The following CCBE1 variants were observed in gnomAD, a reference collection of about 807,000 sequenced individuals.
The protein encoded by CCBE1 is collagen and calcium-binding EGF domain-containing protein 1.
CCBE1 carries 37 observed loss-of-function variants against 50.0 expected under a neutral mutation model. That is an observed-to-expected ratio of 0.74 (90% CI 0.57 to 0.97). CCBE1 has a LOEUF of 0.97. CCBE1 is among the 50% of genes least tolerant of loss of function. The pLI is 0.00. For missense variants in CCBE1, 538 were observed against 523.8 expected (o/e 1.03, Z -0.26); for synonymous variants, 234 against 203.7 (o/e 1.15, Z -1.27).
chr18:59,546,834 A>G (rs1050817367), intron 2 of CCBE1, among the ~76,000 whole-genome samples: 4 of 152,080 alleles, frequency 2.6e-5, no homozygotes, highest in Non-Finnish European at 5.9e-5. Flanking sequence ...ATCTAAATCA[A>G]CAGAACTTTG....
At chr18:59,657,749 G>A (rs1470317901) in intron 2 of CCBE1, among the ~76,000 whole-genome samples, 2 of 152,180 alleles carry the variant, frequency 1.3e-5, no homozygotes, top group Non-Finnish European at 2.9e-5. Flanking sequence ...AATTAGCCGG[G>A]CGTGGTGGCA....
intron 5 of CCBE1, among the ~76,000 whole-genome samples, chr18:59,461,715 C>T (rs1022143851): frequency 1.4e-5 from 2 of 146,498 alleles, no homozygotes; most frequent in Admixed American, 1.4e-4. Flanking sequence ...AGAGGATTCC[C>T]AGCCAGGTGT....
chr18:59,629,135 T>C (rs1303982883), intron 2 of CCBE1, among the ~76,000 whole-genome samples: 1 of 152,188 alleles, frequency 6.6e-6, no homozygotes, highest in Admixed American at 6.5e-5. Context: ...AAGAGGTGCC[T>C]GCAATGGCTC....
At chr18:59,523,840 T>C (rs1914706875) in intron 2 of CCBE1, among the ~76,000 whole-genome samples, 1 of 152,186 alleles carries the variant, frequency 6.6e-6, no homozygotes, top group Non-Finnish European at 1.5e-5. Flanking sequence ...CAATGTCACA[T>C]GTTTGTGCAG....
chr18:59,501,868 A>G (rs1286423037), intron 2 of CCBE1, among the ~76,000 whole-genome samples: 1 of 152,174 alleles, frequency 6.6e-6, no homozygotes, highest in Non-Finnish European at 1.5e-5. Flanking sequence ...GTGCAGTGGT[A>G]CAATCGTAGC....
intron 2 of CCBE1, among the ~76,000 whole-genome samples, chr18:59,603,508 C>A (rs539558051): frequency 1.1e-4 from 16 of 152,268 alleles, no homozygotes; most frequent in African/African-American, 3.9e-4. Context: ...AGGGAAGATA[C>A]CTCCCTGCTT....
intron 2 of CCBE1, among the ~76,000 whole-genome samples, chr18:59,484,701 G>A (rs1912730775): frequency 6.6e-6 from 1 of 152,142 alleles, no homozygotes; most frequent in Non-Finnish European, 1.5e-5. Context: ...TTTCCCCTTT[G>A]CGTTTTTTAA....
chr18:59,668,697 G>T (rs187303303), intron 2 of CCBE1, among the ~76,000 whole-genome samples: 1 of 151,974 alleles, frequency 6.6e-6, no homozygotes, highest in African/African-American at 2.4e-5. Context: ...ATTTCCCTAG[G>T]ATAAATTTCT....
At chr18:59,543,246 G>A (rs1052509742) in intron 2 of CCBE1, among the ~76,000 whole-genome samples, 3 of 152,118 alleles carry the variant, frequency 2.0e-5, no homozygotes, top group Non-Finnish European at 2.9e-5. Context: ...GGTGATCCCC[G>A]CACCATACCT....
In CCBE1 at chr18:59,539,194, C is replaced by CAAA. The variant is rs34047100; in HGVS notation, c.213-58957_213-58956insTTT. Among the ~76,000 whole-genome samples, 1,284 of 137,588 alleles carry CAAA rather than the reference C, an allele frequency of 9.3e-3. 16 individuals carry two copies. The highest frequency in any genetic ancestry group is 0.033 in the African/African-American group (1,218 of 37,446). The allele number at this position is 137,588 out of a possible 152,430, so 90.3% of individuals were successfully genotyped here. A position where few individuals can be genotyped will look rare whatever the true frequency, so the allele number is the denominator to read the frequency against. Reference sequence around the variant, plus strand: ...CTGCTATATTTAAAAAACACACACACACACACAAAAAACAAAAAAAAACAG... The same window carrying CAAA: ...CTGCTATATTTAAAAAACACACACACAAAACACACAAAAAACAAAAAAAAACAG... On this transcript the variant is annotated intron_variant, in intron 2 of 10. Transcript: ENST00000439986.
intron 10 of CCBE1, 54 bp from the exon 11 acceptor site, chr18:59,436,195 G>C: frequency 6.6e-7 from 1 of 1,506,922 alleles, no homozygotes; most frequent in Non-Finnish European, 9.2e-7. Flanking sequence ...AATGGCCTCC[G>C]GGGCTCCATG....
chr18:59,647,604 C>A (rs142203256), intron 2 of CCBE1, among the ~76,000 whole-genome samples: 3 of 151,988 alleles, frequency 2.0e-5, no homozygotes, highest in East Asian at 3.9e-4. Context: ...CTGTCTAGTT[C>A]GTATAATACA....
rs138046245 is a variant in CCBE1, at chr18:59,632,842, C to T, written c.212+63787G>A. 6.7e-3 allele frequency among the ~76,000 whole-genome samples: 1,022 copies of T among 152,178 alleles called. 6 individuals are homozygous for T. The highest frequency in any genetic ancestry group is 0.022 in the African/African-American group (928 of 41,494). ...CAGGCTGGTCTCGAACTCCTGACCT[C>T]GGGTGATCCACCCTCCTCTGCCTCT... is the stretch of plus-strand genomic sequence containing the variant. On this transcript the variant is annotated intron_variant, in intron 2 of 10. Transcript: ENST00000439986.
intron 2 of CCBE1, among the ~76,000 whole-genome samples, chr18:59,609,007 C>T (rs1436914525): frequency 6.6e-6 from 1 of 152,222 alleles, no homozygotes; most frequent in East Asian, 1.9e-4. Flanking sequence ...GGAAACCCAA[C>T]AGACTTGAGT....
intron 2 of CCBE1, among the ~76,000 whole-genome samples, chr18:59,604,936 G>A (rs986922732): frequency 2.6e-5 from 4 of 152,222 alleles, no homozygotes; most frequent in Non-Finnish European, 2.9e-5. Context: ...GTGATCAGTA[G>A]GGGATCCGGC....
At chr18:59,523,642 A>T (rs893536191) in intron 2 of CCBE1, among the ~76,000 whole-genome samples, 3 of 152,156 alleles carry the variant, frequency 2.0e-5, no homozygotes, top group Admixed American at 6.5e-5. Context: ...TGTCAAGGTT[A>T]TTTCATGTAA....
chr18:59,687,562 C>T (rs1014241149), intron 2 of CCBE1, among the ~76,000 whole-genome samples: 1 of 152,204 alleles, frequency 6.6e-6, no homozygotes, highest in African/African-American at 2.4e-5. Context: ...ACTGTTCTCT[C>T]CTTCTCCACT....
intron 2 of CCBE1, among the ~76,000 whole-genome samples, chr18:59,561,367 G>C (rs984453040): frequency 6.6e-6 from 1 of 152,188 alleles, no homozygotes; most frequent in Non-Finnish European, 1.5e-5. Context: ...TCAAACCTGT[G>C]TGTCCAAACC....
At chr18:59,517,526 T>C (rs1914423985) in intron 2 of CCBE1, among the ~76,000 whole-genome samples, 1 of 152,202 alleles carries the variant, frequency 6.6e-6, no homozygotes, top group Non-Finnish European at 1.5e-5. Flanking sequence ...TAAGTACAGC[T>C]TAAGCCAGAG....
Sources: allele counts gnomAD v4.1 joint callset (sites outside exome capture counted in the v4.1 genomes callset), GRCh38; gene constraint gnomAD v4.1.1; transcripts MANE v1.5; gene names NCBI Gene and HGNC (gene_info 2026-07-23, HGNC 2026-07-21).